Variants in PDE1C observed in about 807,000 individuals in gnomAD.
The protein encoded by PDE1C is phosphodiesterase 1C.
PDE1C carries 62 observed loss-of-function variants against 93.1 expected under a neutral mutation model. The observed-to-expected ratio is 0.67, with a 90% CI of 0.54 to 0.82. PDE1C has a LOEUF of 0.82. Among genes scored for constraint, PDE1C ranks in the 40% least tolerant of loss-of-function variants. The pLI, the probability that PDE1C is intolerant of heterozygous loss-of-function variation, is 0.00. For missense variants in PDE1C, 742 were observed against 884.6 expected, an observed-to-expected ratio of 0.84 and a Z score of 2.04; for synonymous variants, 325 against 310.1, an observed-to-expected ratio of 1.05 and a Z score of -0.50.
At chr7:31,631,287 T>A in the PDE1C span, among the ~76,000 whole-genome samples, 1 of 152,178 alleles carries the variant, frequency 6.6e-6, no homozygotes, top group East Asian at 1.9e-4. Flanking sequence ...CACATATGCG[T>A]GCGTGCACAC....
chr7:32,291,429 A>C (rs564926072), intron 1 of PDE1C, among the ~76,000 whole-genome samples: 3 of 152,384 alleles, frequency 2.0e-5, no homozygotes, highest in African/African-American at 7.2e-5. Context: ...CTAGCCCTGC[A>C]GGCACTCAGA....
chr7:32,408,447 G>A (rs1403369475), intron 1 of PDE1C, among the ~76,000 whole-genome samples: 1 of 152,208 alleles, frequency 6.6e-6, no homozygotes, highest in African/African-American at 2.4e-5. Flanking sequence ...TAAATATCTG[G>A]TGGTGGAGCT....
chr7:31,860,123 A>G (rs533671131), intron 7 of PDE1C, among the ~76,000 whole-genome samples: 62 of 152,298 alleles, frequency 4.1e-4, no homozygotes, highest in African/African-American at 1.4e-3. Flanking sequence ...ATATGACTAT[A>G]CCAATTTACC....
intron 2 of PDE1C, among the ~76,000 whole-genome samples, chr7:31,960,266 C>T (rs755754421): frequency 1.4e-4 from 22 of 152,296 alleles, no homozygotes; most frequent in South Asian, 4.2e-4. Context: ...AGCCCAACAA[C>T]GGGACAACTG....
chr7:31,668,651 T>G, the PDE1C span, among the ~76,000 whole-genome samples: 1 of 152,150 alleles, frequency 6.6e-6, no homozygotes, highest in Non-Finnish European at 1.5e-5. Context: ...AGAAAGTGGC[T>G]TAGCGGTTGT....
At chr7:31,630,830 T>C in the PDE1C span, among the ~76,000 whole-genome samples, 5 of 151,956 alleles carry the variant, frequency 3.3e-5, no homozygotes, top group South Asian at 2.1e-4. Context: ...CCAAAAAGTA[T>C]GTCAATGAAA....
At chr7:31,911,843 C>A (rs1473027785) in intron 2 of PDE1C, among the ~76,000 whole-genome samples, 1 of 152,176 alleles carries the variant, frequency 6.6e-6, no homozygotes, top group African/African-American at 2.4e-5. Flanking sequence ...CAACCAGCCA[C>A]TGAGATTCCT....
At chr7:32,091,438 A>C (rs10951318) in intron 3 of PDE1C, among the ~76,000 whole-genome samples, 2 of 151,996 alleles carry the variant, frequency 1.3e-5, no homozygotes, top group Non-Finnish European at 2.9e-5. Context: ...GGAAGGACAC[A>C]TTGCAATATT....
chr7:32,229,109 G>A (rs1008426207), intron 1 of PDE1C, among the ~76,000 whole-genome samples: 13 of 152,210 alleles, frequency 8.5e-5, no homozygotes, highest in African/African-American at 3.1e-4. Flanking sequence ...GGGCCCTGAA[G>A]AGCACACCTA....
intron 3 of PDE1C, among the ~76,000 whole-genome samples, chr7:32,126,163 G>C (rs1799566583): frequency 6.6e-6 from 1 of 151,918 alleles, no homozygotes; most frequent in Admixed American, 6.6e-5. Context: ...AGAAAGTTCT[G>C]AAAGAACCAG....
intron 1 of PDE1C, among the ~76,000 whole-genome samples, chr7:32,336,481 A>G (rs932667847): frequency 1.3e-5 from 2 of 152,232 alleles, no homozygotes; most frequent in African/African-American, 4.8e-5. Flanking sequence ...GATTAGAAAC[A>G]TAAGTCTCAT....
intron 2 of PDE1C, among the ~76,000 whole-genome samples, chr7:31,900,526 A>G (rs1487215289): frequency 6.6e-6 from 1 of 151,602 alleles, no homozygotes; most frequent in Non-Finnish European, 1.5e-5. Context: ...GTTAAAATTT[A>G]CTACACAAAC....
At chr7:31,621,061 A>G in the PDE1C span, among the ~76,000 whole-genome samples, 2 of 151,868 alleles carry the variant, frequency 1.3e-5, no homozygotes, top group Admixed American at 1.3e-4. Context: ...TAGAGAAAAA[A>G]GAATAAAAAG....
intron 11 of PDE1C, among the ~76,000 whole-genome samples, chr7:31,829,521 C>T (rs746750180): frequency 3.3e-5 from 5 of 152,142 alleles, no homozygotes; most frequent in Non-Finnish European, 5.9e-5. Context: ...CTGGATGATT[C>T]TTCCTTCTAA....
intron 1 of PDE1C, among the ~76,000 whole-genome samples, chr7:32,329,298 G>T (rs575827361): frequency 2.6e-5 from 4 of 152,276 alleles, no homozygotes; most frequent in Non-Finnish European, 5.9e-5. Flanking sequence ...GAGGAAAATT[G>T]ATAAAGCAAA....
At chr7:31,726,586 G>A in the PDE1C span, among the ~76,000 whole-genome samples, 29,438 of 152,032 alleles carry the variant, frequency 0.19, 3,595 homozygotes, top group Middle Eastern at 0.3. Context: ...AAGACCATTC[G>A]TAGTCATGTC....
At chr7:31,625,101 A>G in the PDE1C span, among the ~76,000 whole-genome samples, 8 of 152,180 alleles carry the variant, frequency 5.3e-5, no homozygotes, top group East Asian at 3.9e-4. Flanking sequence ...TAGAATGGCA[A>G]TCATTAAGAA....
intron 1 of PDE1C, among the ~76,000 whole-genome samples, chr7:32,359,939 A>G (rs1784103871): frequency 6.6e-6 from 1 of 152,172 alleles, no homozygotes; most frequent in Non-Finnish European, 1.5e-5. Context: ...AAGCACATCC[A>G]TTCCTCCATT....
chr7:32,026,835 TA>T (rs950241776), intron 2 of PDE1C, among the ~76,000 whole-genome samples: 3 of 151,496 alleles, frequency 2.0e-5, no homozygotes, highest in African/African-American at 7.3e-5. Context: ...CACTAAAAAT[TA>T]AAAAAAAGAG....
Sources: gnomAD v4.1 joint callset for allele counts (sites outside exome capture counted in the v4.1 genomes callset) on GRCh38, gnomAD v4.1.1 for gene constraint, MANE v1.5 for transcripts, NCBI Gene and HGNC (gene_info 2026-07-23, HGNC 2026-07-21) for gene names.